Variants in GNAQ observed in about 807,000 individuals in gnomAD.
The protein encoded by GNAQ is guanine nucleotide-binding protein G(q) subunit alpha.
A neutral mutation model predicts 43.9 loss-of-function variants in GNAQ; 8 were observed. That is an observed-to-expected ratio of 0.18 (90% confidence interval 0.11 to 0.33). The LOEUF (loss-of-function observed/expected upper bound fraction) is 0.33, where lower values mean the gene tolerates loss of function less well. Among genes scored for constraint, GNAQ ranks in the 10% least tolerant of loss-of-function variants. The pLI is 1.00. For missense variants in GNAQ, 158 were observed against 450.8 expected, an observed-to-expected ratio of 0.35 and a Z score of 5.88; for synonymous variants, 155 against 170.7, an observed-to-expected ratio of 0.91 and a Z score of 0.71.
At chr9:77,988,304 GC>G (rs1248999960) in intron 1 of GNAQ, among the ~76,000 whole-genome samples, 1 of 152,224 alleles carries the variant, frequency 6.6e-6, no homozygotes, top group African/African-American at 2.4e-5. Flanking sequence ...ACTGACTGCT[GC>G]AGAAAGAATA....
chr9:77,887,069 C>T (rs956329111), intron 2 of GNAQ, among the ~76,000 whole-genome samples: 1 of 152,028 alleles, frequency 6.6e-6, no homozygotes, highest in Non-Finnish European at 1.5e-5. Context: ...TTGTAGTGAG[C>T]CAAGTTTGCG....
intron 1 of GNAQ, among the ~76,000 whole-genome samples, chr9:77,934,495 A>G (rs1053161748): frequency 6.6e-6 from 1 of 151,728 alleles, no homozygotes; most frequent in Admixed American, 6.6e-5. Flanking sequence ...AAGGTAGGGG[A>G]ATTAAGGTGC....
At chr9:77,869,891 G>C (rs1440071780) in intron 2 of GNAQ, among the ~76,000 whole-genome samples, 1 of 152,056 alleles carries the variant, frequency 6.6e-6, no homozygotes, top group Non-Finnish European at 1.5e-5. Flanking sequence ...ACAATATTTA[G>C]AATTTTTAAT....
At chr9:77,778,876 C>CT (rs1227291032) in intron 5 of GNAQ, among the ~76,000 whole-genome samples, 1 of 151,908 alleles carries the variant, frequency 6.6e-6, no homozygotes, top group Non-Finnish European at 1.5e-5. Context: ...CCAAAAAACT[C>CT]TAACAATCCT....
chr9:77,978,700 T>C (rs973650884), intron 1 of GNAQ, among the ~76,000 whole-genome samples: 1 of 152,126 alleles, frequency 6.6e-6, no homozygotes, highest in African/African-American at 2.4e-5. Flanking sequence ...GTCAAATGGG[T>C]TCTCTTTTCT....
intron 1 of GNAQ, among the ~76,000 whole-genome samples, chr9:77,959,441 C>T (rs1200872644): frequency 1.3e-5 from 2 of 152,086 alleles, no homozygotes; most frequent in Non-Finnish European, 2.9e-5. Context: ...TTCTAAATAT[C>T]CATAAAATAC....
In GNAQ at chr9:77,949,490, T is replaced by A. The variant is rs539080795; in HGVS notation, c.137-27145A>T. On this transcript the variant is annotated intron_variant, in intron 1 of 6. Coordinates refer to ENST00000286548, the MANE Select transcript of GNAQ (RefSeq NM_002072.5). ...CCAGCAAATATGAACTTGGTTAGCA[T>A]GGACCCCAACATGAGTGAGCAGTAG... Among the ~76,000 whole-genome samples the A allele has an allele frequency of 4.9e-4, 74 of 152,292 alleles. 2 individuals carry two copies. The highest frequency in any genetic ancestry group is 1.8e-3 in the African/African-American group (74 of 41,560).
At chr9:77,760,349 G>A (rs546952362) in intron 5 of GNAQ, among the ~76,000 whole-genome samples, 23 of 152,248 alleles carry the variant, frequency 1.5e-4, no homozygotes, top group African/African-American at 5.5e-4. Context: ...TGCGAGTGCA[G>A]GCGCGCGCCG....
rs1825231617 is a variant in GNAQ, at chr9:77,716,674, C to A, written c.*4649G>T. On this transcript the variant is annotated 3_prime_UTR_variant, in exon 7 of 7. Transcript: ENST00000286548. ...ACGAATACCTTTCTGTTTTTTCTGT[C>A]TACCAAAAGCTTATATAAAAGTCAG... is the stretch of plus-strand genomic sequence containing the variant. 1 of 232,854 alleles carries A rather than the reference C, an allele frequency of 4.3e-6. No individual in the cohort carries two copies. The allele number at this position is 232,854 out of a possible 1,614,324, so 14.4% of individuals were successfully genotyped here.
chr9:77,878,746 A>C (rs893600476), intron 2 of GNAQ, among the ~76,000 whole-genome samples: 1 of 152,152 alleles, frequency 6.6e-6, no homozygotes, highest in East Asian at 1.9e-4. Flanking sequence ...TAAGATTTTC[A>C]GTTAAGATGA....
chr9:77,837,847 A>ATTTTT (rs71360655), intron 2 of GNAQ, among the ~76,000 whole-genome samples: 1 of 128,964 alleles, frequency 7.8e-6, no homozygotes, highest in East Asian at 2.3e-4. Context: ...AGTGATTTAA[A>ATTTTT]TTTTTTTTTT....
At chr9:77,968,444 G>GTAT (rs1204247964) in intron 1 of GNAQ, among the ~76,000 whole-genome samples, 1 of 152,188 alleles carries the variant, frequency 6.6e-6, no homozygotes, top group Non-Finnish European at 1.5e-5. Flanking sequence ...GATAATAGAT[G>GTAT]TATCAGGATG....
chr9:77,723,476 T>G (rs1045509052), intron 6 of GNAQ, among the ~76,000 whole-genome samples: 3 of 152,228 alleles, frequency 2.0e-5, no homozygotes, highest in South Asian at 2.1e-4. Context: ...ACATCAATTT[T>G]AATAGCAGCA....
At chr9:77,944,999 G>A (rs2118355221) in intron 1 of GNAQ, among the ~76,000 whole-genome samples, 1 of 152,284 alleles carries the variant, frequency 6.6e-6, no homozygotes, top group Non-Finnish European at 1.5e-5. Context: ...AGGCGGCTGG[G>A]GAAGCACAAA....
intron 1 of GNAQ, among the ~76,000 whole-genome samples, chr9:78,023,095 T>C (rs1050578300): frequency 1.3e-5 from 2 of 152,222 alleles, no homozygotes; most frequent in Non-Finnish European, 2.9e-5. Flanking sequence ...TGATAGATTA[T>C]CCAGCACTGG....
chr9:77,761,245 C>T (rs1488898917), intron 5 of GNAQ, among the ~76,000 whole-genome samples: 15 of 141,990 alleles, frequency 1.1e-4, no homozygotes, highest in African/African-American at 2.9e-4. Flanking sequence ...CCCCTCTGCC[C>T]GGCCAGCCAC....
intron 2 of GNAQ, among the ~76,000 whole-genome samples, chr9:77,854,478 C>T (rs961244161): frequency 7.9e-5 from 12 of 152,186 alleles, no homozygotes; most frequent in African/African-American, 2.9e-4. Context: ...GATGCTCATG[C>T]TTGGGAAGTT....
chr9:78,012,397 T>TA (rs1399020020), intron 1 of GNAQ, among the ~76,000 whole-genome samples: 5 of 151,946 alleles, frequency 3.3e-5, no homozygotes, highest in East Asian at 1.9e-4. Context: ...GCCATACAGA[T>TA]AGAGTTTCAC....
intron 2 of GNAQ, among the ~76,000 whole-genome samples, chr9:77,885,623 T>C (rs1415232259): frequency 6.6e-6 from 1 of 152,142 alleles, no homozygotes; most frequent in Non-Finnish European, 1.5e-5. Context: ...TTTTAAGAGT[T>C]TGAAATACCA....
Sources: gnomAD v4.1 joint callset for allele counts (sites outside exome capture counted in the v4.1 genomes callset) on GRCh38, gnomAD v4.1.1 for gene constraint, MANE v1.5 for transcripts, NCBI Gene and HGNC (gene_info 2026-07-23, HGNC 2026-07-21) for gene names.